The following UGT2B17 variants were observed in gnomAD, a reference collection of about 807,000 sequenced individuals.
UGT2B17 encodes UDP glucuronosyltransferase family 2 member B17.
Under a neutral mutation model 48.2 loss-of-function variants are expected in UGT2B17, and 21 were observed. The observed-to-expected ratio is 0.44, with a 90% CI of 0.31 to 0.63. UGT2B17 has a LOEUF of 0.63. UGT2B17 is among the 20% of genes least tolerant of loss of function. UGT2B17 has a pLI of 0.08. For missense variants in UGT2B17, 402 were observed against 696.1 expected (o/e 0.58, Z 4.75); for synonymous variants, 146 against 238.4 (o/e 0.61, Z 3.57).
chr4:68,563,246 G>T (rs138985656), intron 3 of UGT2B17, among the ~76,000 whole-genome samples: 5,806 of 126,854 alleles, frequency 0.046, 1,391 homozygotes, highest in African/African-American at 0.15. Context: ...ATTATTTTGT[G>T]TACAAAAGAA....
Position 68,545,945 on chromosome 4 carries a change from CAA to C in UGT2B17, c.1313+4730_1313+4731del, listed in dbSNP as rs1236475331. The stretch of plus-strand genomic sequence containing the variant: ...AGGCAATAATTAATAGCTTACCAAC[CAA>C]AAAAAGTCCAGGACCAGATGGATTC... On this transcript the variant is annotated intron_variant, in intron 6 of 6. Coordinates refer to ENST00000317746, the MANE Select transcript of UGT2B17 (RefSeq NM_001077.4). 1.6e-5 allele frequency among the ~76,000 whole-genome samples: 2 copies of C among 124,870 alleles called. 1 individual carries two copies. The highest frequency in any genetic ancestry group is 3.4e-5 in the Non-Finnish European group (2 of 59,088). 81.9% of individuals were successfully genotyped at this position (124,870 alleles called of 152,430 possible). A position where few individuals can be genotyped will look rare whatever the true frequency, so the allele number is the denominator to read the frequency against.
Position 68,568,049 on chromosome 4 carries a change from A to T in UGT2B17, c.436T>A (p.Phe146Ile). 7.2e-7 allele frequency: 1 copy of T among 1,382,800 alleles called. No homozygotes were observed. Among genetic ancestry groups the T allele is most frequent in the Non-Finnish European group, 9.5e-7 (1 of 1,055,524 alleles). 85.7% of individuals were successfully genotyped at this position (1,382,800 alleles called of 1,614,324 possible). A position where few individuals can be genotyped will look rare whatever the true frequency, so the allele number is the denominator to read the frequency against. Residue 146 changes from phenylalanine to isoleucine, a missense_variant, in exon 2 of 7, where the codon TTT (phenylalanine) becomes ATT (isoleucine). Phe to Ile is a conservative substitution (Grantham distance 21, BLOSUM62 0). This residue lies in a region of UGT2B17 where 84 missense variants were observed against 92.6 expected (regional missense o/e 0.91). Transcript: ENST00000317746. ...KLMRKLQESKFDVLLADAVNP... is the reference protein window; with the variant it reads ...KLMRKLQESKIDVLLADAVNP... Reference sequence around the variant, plus strand: ...ACGGCATCTGCCAGAAGGACATCAAATTTTGACTCTTGTAGTTTTCTCATA... The same window carrying T: ...ACGGCATCTGCCAGAAGGACATCAATTTTTGACTCTTGTAGTTTTCTCATA...
At chr4:68,558,550 G>T (rs1731046154) in intron 4 of UGT2B17, among the ~76,000 whole-genome samples, 1 of 125,562 alleles carries the variant, frequency 8.0e-6, no homozygotes, top group African/African-American at 2.7e-5. Flanking sequence ...TAATTTTAAA[G>T]GATTGTTCTT....
Position 68,560,934 on chromosome 4 carries a change from TAGG to T in UGT2B17, c.874-269_874-267del, listed in dbSNP as rs1731091566. Among the ~76,000 whole-genome samples, 4 of 125,050 alleles carry T rather than the reference TAGG, an allele frequency of 3.2e-5. 1 individual carries two copies. The highest frequency in any genetic ancestry group is 2.5e-4 in the Admixed American group (3 of 12,142). 82.0% of individuals were successfully genotyped at this position (125,050 alleles called of 152,430 possible). On this transcript the variant is annotated intron_variant, in intron 3 of 6. Transcript: ENST00000317746. Reference sequence around the variant, plus strand: ...ATGAAACAAAGCTATGACACTGCAGTAGGAGGAGATAATGCTAGAAAATATTAC... The same window carrying T: ...ATGAAACAAAGCTATGACACTGCAGTAGGAGATAATGCTAGAAAATATTAC...
intron 4 of UGT2B17, among the ~76,000 whole-genome samples, chr4:68,552,144 A>G (rs1292990544): frequency 7.9e-6 from 1 of 126,376 alleles, no homozygotes; most frequent in Non-Finnish European, 1.7e-5. Flanking sequence ...TTCTAACTTA[A>G]TAGCTAGACA....
rs866299572 is a variant in UGT2B17 at position 68,545,802 on chromosome 4, G to A, written c.1313+4875C>T. 1.6e-4 allele frequency among the ~76,000 whole-genome samples: 20 copies of A among 125,748 alleles called. 5 individuals carry two copies. Among genetic ancestry groups the A allele is most frequent in the Admixed American group, 4.1e-4 (5 of 12,264 alleles). 82.5% of individuals were successfully genotyped at this position (125,748 alleles called of 152,430 possible). On this transcript the variant is annotated intron_variant, in intron 6 of 6. Transcript: ENST00000317746. Reference sequence around the variant, plus strand: ...CAGAGAATACTATAAACACCTCTACGCAAATAAACTAGAAAATCAAGAAGA... The same window carrying A: ...CAGAGAATACTATAAACACCTCTACACAAATAAACTAGAAAATCAAGAAGA...
At chr4:68,539,034 G>A (rs61232256) in intron 6 of UGT2B17, among the ~76,000 whole-genome samples, 43,097 of 124,810 alleles carry the variant, frequency 0.35, 14,164 homozygotes, top group Admixed American at 0.43. Flanking sequence ...CTACTGCTTC[G>A]TTCTTATTTT....
In UGT2B17 at chr4:68,556,544, A is replaced by C. The variant is rs183669480; in HGVS notation, c.1005+3993T>G. Among the ~76,000 whole-genome samples, 15 of 126,066 alleles carry C rather than the reference A, an allele frequency of 1.2e-4. 7 individuals are homozygous for C. The East Asian group carries it at 0.011, about 95-fold the overall frequency. 82.7% of individuals were successfully genotyped at this position (126,066 alleles called of 152,430 possible). A position where few individuals can be genotyped will look rare whatever the true frequency, so the allele number is the denominator to read the frequency against. ...ATAAAATAAGTTCCGTTTATGCATA[A>C]ATTAATCATTAATGTCAAAGACACA... On this transcript the variant is annotated intron_variant, in intron 4 of 6. Coordinates refer to ENST00000317746, the MANE Select transcript of UGT2B17 (RefSeq NM_001077.4).
rs546020452 is a variant in UGT2B17, at chr4:68,564,499, G to C, written c.873+1073C>G. ...AGACGGGGTTTCACCATGCTGGCCA[G>C]TCTGGTCTCAAACTCCTGACCTCAG... On this transcript the variant is annotated intron_variant, in intron 3 of 6. Transcript: ENST00000317746. Among the ~76,000 whole-genome samples, 6 of 121,610 alleles carry C rather than the reference G, an allele frequency of 4.9e-5. 2 individuals are homozygous for C. Among genetic ancestry groups the C allele is most frequent in the African/African-American group, 1.7e-4 (6 of 35,410 alleles). The allele number at this position is 121,610 out of a possible 152,430, so 79.8% of individuals were successfully genotyped here. A position where few individuals can be genotyped will look rare whatever the true frequency, so the allele number is the denominator to read the frequency against.
Position 68,567,673 on chromosome 4 carries a change from A to G in UGT2B17, c.724+88T>C, listed in dbSNP as rs1376890777. The G allele has an allele frequency of 5.3e-6, 5 of 943,500 alleles. 1 individual carries two copies. Among genetic ancestry groups the G allele is most frequent in the African/African-American group, 5.2e-5 (3 of 57,458 alleles). The allele number at this position is 943,500 out of a possible 1,614,324, so 58.4% of individuals were successfully genotyped here. ...ATTCATAATTTCCCATAAAAACACT[A>G]TCTTCTGACATTATATTTATATAAG... is the stretch of plus-strand genomic sequence containing the variant. On this transcript the variant is annotated intron_variant, in intron 2 of 6. Transcript: ENST00000317746.
rs1379062156 is a variant in UGT2B17, at chr4:68,537,399, T to G, written c.*226A>C. The G allele has an allele frequency of 5.1e-5, 17 of 335,396 alleles. 1 individual carries two copies. Among genetic ancestry groups the G allele is most frequent in the Non-Finnish European group, 7.2e-5 (16 of 222,522 alleles). 20.8% of individuals were successfully genotyped at this position (335,396 alleles called of 1,614,324 possible). The stretch of plus-strand genomic sequence containing the variant: ...AATAATAAATTTCAATATAAGCCCA[T>G]AAGGTTTTATATTATTATTTTTCAT... On this transcript the variant is annotated 3_prime_UTR_variant, in exon 7 of 7. Coordinates refer to ENST00000317746, the MANE Select transcript of UGT2B17 (RefSeq NM_001077.4).
In UGT2B17 at chr4:68,567,929, C is replaced by T; in HGVS notation, c.556G>A (p.Gly186Arg). ...SVGYTVEKNG[G>R]GFLFPPSYVP... ...TAGGAAGGAGGGAACAGAAATCCTC[C>T]ACCATTCTTCTCAACTGTGTAGCCA... The change falls in exon 2 of 7, where the codon GGA (glycine) becomes AGA (arginine). Residue 186 changes from glycine to arginine, a missense_variant. Around this residue, in one of 5 missense-constraint regions of UGT2B17, gnomAD observed 106 missense variants for 169.8 expected, o/e 0.62. Coordinates refer to ENST00000317746, the MANE Select transcript of UGT2B17 (RefSeq NM_001077.4). 8 of 1,379,834 alleles carry T rather than the reference C, an allele frequency of 5.8e-6. 1 individual carries two copies. Among genetic ancestry groups the T allele is most frequent in the Non-Finnish European group, 7.6e-6 (8 of 1,054,732 alleles). The allele number at this position is 1,379,834 out of a possible 1,614,324, so 85.5% of individuals were successfully genotyped here.
chr4:68,568,025 C>A lies in UGT2B17; in HGVS notation c.460G>T (p.Val154Phe). The change falls in exon 2 of 7, where the codon GTT becomes TTT. Residue 154 changes from valine to phenylalanine, a missense_variant. By Grantham distance (50) the Val-to-Phe change is conservative. Coordinates refer to ENST00000317746, the MANE Select transcript of UGT2B17 (RefSeq NM_001077.4). ...SKFDVLLADA[V>F]NPCGELLAEL... ...GCCAGCAGCTCACCACAGGGATTAA[C>A]GGCATCTGCCAGAAGGACATCAAAT... The A allele has an allele frequency of 7.2e-7, 1 of 1,382,474 alleles. No individual in the cohort carries two copies. The highest frequency in any genetic ancestry group is 1.6e-5 in the South Asian group (1 of 62,364). 85.6% of individuals were successfully genotyped at this position (1,382,474 alleles called of 1,614,324 possible).
chr4:68,540,702 A>G lies in UGT2B17; in HGVS notation c.1314-2798T>C, dbSNP rs1730639737. 1.6e-5 allele frequency among the ~76,000 whole-genome samples: 2 copies of G among 126,062 alleles called. 1 individual carries two copies. The highest frequency in any genetic ancestry group is 5.4e-5 in the African/African-American group (2 of 36,898). 82.7% of individuals were successfully genotyped at this position (126,062 alleles called of 152,430 possible). ...GAATGTGTGGGTTTGTTACATAGGT[A>G]TATGTGTGCCATGGTGGTTTGCAGC... On this transcript the variant is annotated intron_variant, in intron 6 of 6. Transcript: ENST00000317746.
rs375390234 is a variant in UGT2B17 at position 68,567,753 on chromosome 4, C to A, written c.724+8G>T. On this transcript the variant is annotated splice_region_variant and intron_variant, in intron 2 of 6. Coordinates refer to ENST00000317746, the MANE Select transcript of UGT2B17 (RefSeq NM_001077.4). ...ACTTAATAAACACCAATTGGACACA[C>A]GACTTACCTAGAACTTCACTATAAA... The A allele has an allele frequency of 1.5e-5, 19 of 1,309,772 alleles. 6 individuals are homozygous for A. The African/African-American group carries it at 2.3e-4, about 16-fold the overall frequency. The allele number at this position is 1,309,772 out of a possible 1,614,324, so 81.1% of individuals were successfully genotyped here. A position where few individuals can be genotyped will look rare whatever the true frequency, so the allele number is the denominator to read the frequency against.
At position 68,558,757 on chromosome 4, in the gene UGT2B17, A is replaced by T. The variant is rs1242436807; in HGVS notation, c.1005+1780T>A. 9.6e-5 allele frequency among the ~76,000 whole-genome samples: 12 copies of T among 125,430 alleles called. 1 individual carries two copies. The highest frequency in any genetic ancestry group is 1.5e-4 in the Non-Finnish European group (9 of 59,218). 82.3% of individuals were successfully genotyped at this position (125,430 alleles called of 152,430 possible). A position where few individuals can be genotyped will look rare whatever the true frequency, so the allele number is the denominator to read the frequency against. ...AATGCTTTCTCCAAAAGATTTTTTT[A>T]AAATGTAAAATGAAAATAAACCTGG... On this transcript the variant is annotated intron_variant, in intron 4 of 6. Coordinates refer to ENST00000317746, the MANE Select transcript of UGT2B17 (RefSeq NM_001077.4).
At chr4:68,574,954 C>CTT (rs760597353) in intron 1 of UGT2B17, among the ~76,000 whole-genome samples, 4,747 of 109,686 alleles carry the variant, frequency 0.043, 936 homozygotes, top group African/African-American at 0.13. Flanking sequence ...CCTCCCCCCC[C>CTT]TTTTTTTTTT....
rs1731238558 is a variant in UGT2B17, at chr4:68,568,177, T to C, written c.308A>G (p.Lys103Arg). 12 of 1,379,844 alleles carry C rather than the reference T, an allele frequency of 8.7e-6. 5 individuals carry two copies. The highest frequency in any genetic ancestry group is 1.0e-5 in the Non-Finnish European group (11 of 1,053,828). The allele number at this position is 1,379,844 out of a possible 1,614,324, so 85.5% of individuals were successfully genotyped here. A position where few individuals can be genotyped will look rare whatever the true frequency, so the allele number is the denominator to read the frequency against. ...TGAAAAATATGACCAAAATGTATTT[T>C]TTGAAATACTATATGTCCATCTATC... Reference protein sequence around the residue: ...MFDRWTYSISKNTFWSYFSQL... With the variant: ...MFDRWTYSISRNTFWSYFSQL... Residue 103 changes from lysine to arginine, a missense_variant, in exon 2 of 7, where the codon AAA becomes AGA. Physicochemically the swap from Lys to Arg is conservative, Grantham distance 26 (BLOSUM62 2). Transcript: ENST00000317746.
rs1437624580 is a variant in UGT2B17 at position 68,537,180 on chromosome 4, A to G, written c.*445T>C. 1 of 128,218 alleles carries G rather than the reference A, an allele frequency of 7.8e-6. No individual in the cohort carries two copies. Among genetic ancestry groups the G allele is most frequent in the African/African-American group, 2.7e-5 (1 of 37,248 alleles). The allele number at this position is 128,218 out of a possible 1,614,324, so 7.9% of individuals were successfully genotyped here. A position where few individuals can be genotyped will look rare whatever the true frequency, so the allele number is the denominator to read the frequency against. The stretch of plus-strand genomic sequence containing the variant: ...CAAAAGGAAGAGTGAGACTTTTTAC[A>G]TAATTTAATTATTGAAGATTTCATT... On this transcript the variant is annotated 3_prime_UTR_variant, in exon 7 of 7. Coordinates refer to ENST00000317746, the MANE Select transcript of UGT2B17 (RefSeq NM_001077.4).
Sources: gnomAD v4.1 joint callset for allele counts (sites outside exome capture counted in the v4.1 genomes callset) on GRCh38, gnomAD v4.1.1 for gene constraint, gnomAD v4.1.1 regional missense constraint, MANE v1.5 for transcripts, NCBI Gene and HGNC (gene_info 2026-07-23, HGNC 2026-07-21) for gene names.